The following RNASEH2C variants were observed in gnomAD, a reference collection of about 807,000 sequenced individuals.
RNASEH2C encodes the protein RNase H1 small subunit.
RNASEH2C carries 20 observed loss-of-function variants against 16.3 expected under a neutral mutation model. The ratio of observed to expected loss-of-function variants is 1.23; its 90% CI spans 0.86 to 1.79. The LOEUF (loss-of-function observed/expected upper bound fraction) is 1.79, where lower values mean the gene tolerates loss of function less well. Among genes scored for constraint, RNASEH2C ranks in the 40% most tolerant of loss-of-function variants. RNASEH2C has a pLI of 0.00. For synonymous variants in RNASEH2C, 106 were observed against 98.9 expected, an observed-to-expected ratio of 1.07 and a Z score of -0.43; for missense variants, 296 against 235.9, an observed-to-expected ratio of 1.25 and a Z score of -1.67.
At position 65,719,737 on chromosome 11, in the gene RNASEH2C, TTA is replaced by T. The variant is rs761736416; in HGVS notation, c.*44_*45del. On this transcript the variant is annotated 3_prime_UTR_variant, in exon 4 of 4. Transcript: ENST00000308418. ...ATGGAATCGGTTCCAAAGAGCTGGT[TTA>T]CTGCTGTGAAGGGATCGCAGCTTTG... 1.7e-5 allele frequency: 28 copies of T among 1,608,162 alleles called. No individual in the cohort carries two copies. The highest frequency in any genetic ancestry group is 2.4e-5 in the Non-Finnish European group (28 of 1,175,058).
chr11:65,719,985 C>T (rs766935175), intron 3 of RNASEH2C, 60 bp downstream of exon 3: 47 of 1,609,768 alleles, frequency 2.9e-5, no homozygotes, highest in Middle Eastern at 3.3e-4. Context: ...GCTCCGTCTG[C>T]GCAATTGTGC....
intron 3 of RNASEH2C, 100 bp from the exon 4 acceptor site, chr11:65,719,909 T>C: frequency 1.2e-6 from 2 of 1,601,524 alleles, no homozygotes; most frequent in Non-Finnish European, 1.7e-6. Flanking sequence ...TAACCGCTTC[T>C]AGACATGCTA....
rs984384224 is a variant in RNASEH2C, at chr11:65,719,403, C to T, written c.*380G>A. ...TCAGCTGGCCACAGGCCCAGGCCTC[C>T]TCTGAAGCAGGGACCAGAGGGAGCC... On this transcript the variant is annotated 3_prime_UTR_variant, in exon 4 of 4. Coordinates refer to ENST00000308418, the MANE Select transcript of RNASEH2C (RefSeq NM_032193.4). 3.2e-6 allele frequency: 2 copies of T among 624,108 alleles called. No homozygotes were observed. The highest frequency in any genetic ancestry group is 5.6e-6 in the Non-Finnish European group (2 of 359,084). The allele number at this position is 624,108 out of a possible 1,614,324, so 38.7% of individuals were successfully genotyped here. A position where few individuals can be genotyped will look rare whatever the true frequency, so the allele number is the denominator to read the frequency against.
rs1857346161 is a variant in RNASEH2C, at chr11:65,720,111, C to T, written c.402G>A (p.Leu134=). 1 of 1,614,226 alleles carries T rather than the reference C, an allele frequency of 6.2e-7. No individual in the cohort carries two copies. The highest frequency in any genetic ancestry group is 2.2e-5 in the East Asian group (1 of 44,884). ...ANFSRFTLWG[L]ETIPGPDAKV... Reference sequence around the variant, plus strand: ...TGGCATCCGGGCCAGGGATGGTCTCCAGACCCCACAGGGTGAAGCGGCTGA... The same window carrying T: ...TGGCATCCGGGCCAGGGATGGTCTCTAGACCCCACAGGGTGAAGCGGCTGA... Residue 134 remains leucine, a synonymous_variant, in exon 3 of 4, where the codon CTG becomes CTA. Transcript: ENST00000308418.
Position 65,719,316 on chromosome 11 carries a change from C to G in RNASEH2C, c.*467G>C. On this transcript the variant is annotated 3_prime_UTR_variant, in exon 4 of 4. Coordinates refer to ENST00000308418, the MANE Select transcript of RNASEH2C (RefSeq NM_032193.4). ...ACAGCTCAAAAAGGAGAGGACAGGC[C>G]TGGCAGGGGCCCACTGGTGCCCAGC... 1 of 1,108,402 alleles carries G rather than the reference C, an allele frequency of 9.0e-7. No individual in the cohort carries two copies. The highest frequency in any genetic ancestry group is 1.3e-6 in the Non-Finnish European group (1 of 793,908). 68.7% of individuals were successfully genotyped at this position (1,108,402 alleles called of 1,614,324 possible).
chr11:65,719,360 C>G lies in RNASEH2C; in HGVS notation c.*423G>C. The G allele has an allele frequency of 1.4e-6, 1 of 737,646 alleles. No homozygotes were observed. Among genetic ancestry groups the G allele is most frequent in the South Asian group, 1.9e-5 (1 of 53,354 alleles). 45.7% of individuals were successfully genotyped at this position (737,646 alleles called of 1,614,324 possible). A position where few individuals can be genotyped will look rare whatever the true frequency, so the allele number is the denominator to read the frequency against. On this transcript the variant is annotated 3_prime_UTR_variant, in exon 4 of 4. Transcript: ENST00000308418. ...GCCCAGCACCAAGGCGAGCTCCGGG[C>G]TCAGACCAACTCCAAGGTCAGCTGG...
Position 65,719,693 on chromosome 11 carries a change from G to A in RNASEH2C, c.*90C>T. 5.0e-6 allele frequency: 7 copies of A among 1,397,810 alleles called. No individual in the cohort carries two copies. The highest frequency in any genetic ancestry group is 7.1e-6 in the Non-Finnish European group (7 of 984,610). 86.6% of individuals were successfully genotyped at this position (1,397,810 alleles called of 1,614,324 possible). ...CGCCCAGACTCACAGGTGCTGTGAA[G>A]AGCTCCTTTATTGGGGTGATGGAAT... On this transcript the variant is annotated 3_prime_UTR_variant, in exon 4 of 4. Transcript: ENST00000308418.
Position 65,720,576 on chromosome 11 carries a change from G to T in RNASEH2C, c.172+11C>A, listed in dbSNP as rs1399072815. ...GGCTGCCGGGAGCCGTAGTCCGGCC[G>T]CAGGGCTCACCCTCGGGGCCCTGGC... On this transcript the variant is annotated intron_variant, in intron 1 of 3. Transcript: ENST00000308418. 3 of 1,520,886 alleles carry T rather than the reference G, an allele frequency of 2.0e-6. No individual in the cohort carries two copies. The highest frequency in any genetic ancestry group is 2.6e-6 in the Non-Finnish European group (3 of 1,137,380). 94.2% of individuals were successfully genotyped at this position (1,520,886 alleles called of 1,614,324 possible).
Position 65,719,346 on chromosome 11 carries a change from A to G in RNASEH2C, c.*437T>C. The G allele has an allele frequency of 1.1e-6, 1 of 870,868 alleles. No homozygotes were observed. The highest frequency in any genetic ancestry group is 1.7e-6 in the Non-Finnish European group (1 of 582,940). The allele number at this position is 870,868 out of a possible 1,614,324, so 53.9% of individuals were successfully genotyped here. A position where few individuals can be genotyped will look rare whatever the true frequency, so the allele number is the denominator to read the frequency against. On this transcript the variant is annotated 3_prime_UTR_variant, in exon 4 of 4. Coordinates refer to ENST00000308418, the MANE Select transcript of RNASEH2C (RefSeq NM_032193.4). ...AGGGGCCCACTGGTGCCCAGCACCAAGGCGAGCTCCGGGCTCAGACCAACT... is the reference window on the plus strand; with the variant it reads ...AGGGGCCCACTGGTGCCCAGCACCAGGGCGAGCTCCGGGCTCAGACCAACT...
chr11:65,718,920 C>T lies in RNASEH2C; in HGVS notation c.*863G>A, dbSNP rs1375740630. On this transcript the variant is annotated 3_prime_UTR_variant, in exon 4 of 4. Coordinates refer to ENST00000308418, the MANE Select transcript of RNASEH2C (RefSeq NM_032193.4). ...ATCAAGAAGGAGGATGTCATCTCCA[C>T]TCTGCAGTACCTCAATCTCATCAAC... The T allele has an allele frequency of 6.2e-7, 1 of 1,614,066 alleles. No individual in the cohort carries two copies.
At chr11:65,719,832 T>C in intron 3 of RNASEH2C, 23 bp from the exon 4 acceptor site, 1 of 1,614,074 alleles carries the variant, frequency 6.2e-7, no homozygotes, top group Non-Finnish European at 8.5e-7. Flanking sequence ...TCGCCTCTAC[T>C]GTTGGACTTG....
At position 65,720,321 on chromosome 11, in the gene RNASEH2C, T is replaced by C; in HGVS notation, c.269A>G (p.Lys90Arg). ...VGYVMVTEEKKVSMGKPDPLR... is the reference protein window; with the variant it reads ...VGYVMVTEEKRVSMGKPDPLR... Reference sequence around the variant, plus strand: ...GGGGTCTGGCTTCCCCATCGACACCTTCTTCTCTTCTGTCACCATCACGTA... The same window carrying C: ...GGGGTCTGGCTTCCCCATCGACACCCTCTTCTCTTCTGTCACCATCACGTA... Residue 90 changes from lysine to arginine, a missense_variant, in exon 2 of 4, where the codon AAG (lysine) becomes AGG (arginine). Physicochemically the swap from Lys to Arg is conservative, Grantham distance 26 (BLOSUM62 2). Coordinates refer to ENST00000308418, the MANE Select transcript of RNASEH2C (RefSeq NM_032193.4). The C allele has an allele frequency of 6.2e-7, 1 of 1,601,922 alleles. No homozygotes were observed. The highest frequency in any genetic ancestry group is 8.5e-7 in the Non-Finnish European group (1 of 1,179,220).
intron 1 of RNASEH2C, 75 bp from the exon 2 acceptor site, chr11:65,720,492 C>T: frequency 1.3e-6 from 2 of 1,587,566 alleles, no homozygotes; most frequent in Non-Finnish European, 1.7e-6. Flanking sequence ...CCCGCCACCT[C>T]CGGACGGACC....
Position 65,720,259 on chromosome 11 carries a change from G to A in RNASEH2C, c.331C>T (p.Pro111Ser). 3 of 1,614,278 alleles carry A rather than the reference G, an allele frequency of 1.9e-6. No homozygotes were observed. Among genetic ancestry groups the A allele is most frequent in the Non-Finnish European group, 2.5e-6 (3 of 1,180,054 alleles). The change falls in exon 2 of 4, where the codon CCG becomes TCG. Residue 111 changes from proline (P) to serine (S), a missense_variant. Transcript: ENST00000308418. ...DSGTDDQEEE[P>S]LERDFDRFIG... ...TTGCTCACGAAGTCCCGCTCCAGCG[G>A]CTCCTCCTCTTGGTCGTCAGTCCCG... is the stretch of plus-strand genomic sequence containing the variant.
Position 65,720,340 on chromosome 11 carries a change from TCACGTATCCCACGAGGCCAGGCGG to T in RNASEH2C, c.226_249del (p.Pro76_Val83del). On this transcript the variant is annotated inframe_deletion, in exon 2 of 4. Coordinates refer to ENST00000308418, the MANE Select transcript of RNASEH2C (RefSeq NM_032193.4). ...GACACCTTCTTCTCTTCTGTCACCATCACGTATCCCACGAGGCCAGGCGGCACCGCCACCTCCTCTCCCCGTAGA... is the reference window on the plus strand; with the variant it reads ...GACACCTTCTTCTCTTCTGTCACCATCACCGCCACCTCCTCTCCCCGTAGA... 6.2e-7 allele frequency: 1 copy of T among 1,614,242 alleles called. No individual in the cohort carries two copies. Among genetic ancestry groups the T allele is most frequent in the Non-Finnish European group, 8.5e-7 (1 of 1,180,044 alleles).
At position 65,720,362 on chromosome 11, in the gene RNASEH2C, C is replaced by G. The variant is rs753182283; in HGVS notation, c.228G>C (p.Pro76=). The change falls in exon 2 of 4, where the codon CCG becomes CCC. Residue 76 remains proline (P), a synonymous_variant. Transcript: ENST00000308418. The part of the protein sequence containing the change: ...RCLRGEEVAV[P]PGLVGYVMVT... The stretch of plus-strand genomic sequence containing the variant: ...CCATCACGTATCCCACGAGGCCAGG[C>G]GGCACCGCCACCTCCTCTCCCCGTA... 11 of 1,614,242 alleles carry G rather than the reference C, an allele frequency of 6.8e-6. No homozygotes were observed. In the South Asian group the frequency reaches 1.1e-4, roughly 16 times the overall value.
At position 65,719,347 on chromosome 11, in the gene RNASEH2C, G is replaced by T; in HGVS notation, c.*436C>A. On this transcript the variant is annotated 3_prime_UTR_variant, in exon 4 of 4. Transcript: ENST00000308418. The stretch of plus-strand genomic sequence containing the variant: ...GGGGCCCACTGGTGCCCAGCACCAA[G>T]GCGAGCTCCGGGCTCAGACCAACTC... 1 of 852,504 alleles carries T rather than the reference G, an allele frequency of 1.2e-6. No homozygotes were observed. Among genetic ancestry groups the T allele is most frequent in the Non-Finnish European group, 1.8e-6 (1 of 566,364 alleles). The allele number at this position is 852,504 out of a possible 1,614,324, so 52.8% of individuals were successfully genotyped here. A position where few individuals can be genotyped will look rare whatever the true frequency, so the allele number is the denominator to read the frequency against.
chr11:65,719,272 A>C lies in RNASEH2C; in HGVS notation c.*511T>G. ...CACTGCAGCTCCCACAAAGCACTCT[A>C]AGGGAGATGGGGCTGAGGACAGCTC... is the stretch of plus-strand genomic sequence containing the variant. On this transcript the variant is annotated 3_prime_UTR_variant, in exon 4 of 4. Transcript: ENST00000308418. 6.9e-7 allele frequency: 1 copy of C among 1,453,892 alleles called. No homozygotes were observed. The highest frequency in any genetic ancestry group is 1.8e-5 in the Admixed American group (1 of 54,800). 90.1% of individuals were successfully genotyped at this position (1,453,892 alleles called of 1,614,324 possible).
Position 65,720,121 on chromosome 11 carries a change from A to G in RNASEH2C, c.392T>C (p.Leu131Pro). Residue 131 changes from leucine (L) to proline (P), a missense_variant, in exon 3 of 4, where the codon CTG becomes CCG. Leu to Pro is a moderately conservative substitution (Grantham distance 98). Coordinates refer to ENST00000308418, the MANE Select transcript of RNASEH2C (RefSeq NM_032193.4). ...GATANFSRFT[L>P]WGLETIPGPD... is the part of the protein sequence containing the mutation. ...GCCAGGGATGGTCTCCAGACCCCACAGGGTGAAGCGGCTGAAGTTGGCAGT... is the reference window on the plus strand; with the variant it reads ...GCCAGGGATGGTCTCCAGACCCCACGGGGTGAAGCGGCTGAAGTTGGCAGT... 1 of 1,614,200 alleles carries G rather than the reference A, an allele frequency of 6.2e-7. No individual in the cohort carries two copies. Among genetic ancestry groups the G allele is most frequent in the East Asian group, 2.2e-5 (1 of 44,886 alleles).
Sources: allele counts gnomAD v4.1 joint callset, GRCh38; gene constraint gnomAD v4.1.1; transcripts MANE v1.5; gene names NCBI Gene and HGNC (gene_info 2026-07-23, HGNC 2026-07-21).